The following EYS variants were observed in gnomAD, a reference collection of about 807,000 sequenced individuals.
EYS encodes EGF-like photoreceptor maintenance factor, also known as protein eyes shut homolog.
A neutral mutation model predicts 282.1 loss-of-function variants in EYS; 250 were observed. The observed-to-expected ratio is 0.89, with a 90% CI of 0.80 to 0.98. EYS has a LOEUF of 0.98. EYS is among the 50% of genes least tolerant of loss of function. The pLI, the probability that EYS is intolerant of heterozygous loss-of-function variation, is 0.00. For synonymous variants in EYS, 1,355 were observed against 1,282.9 expected (o/e 1.06, Z -1.20); for missense variants, 4,016 against 3,709.0 (o/e 1.08, Z -2.15).
At chr6:65,541,821 T>C (rs145077554) in intron 2 of EYS, among the ~76,000 whole-genome samples, 246 of 152,230 alleles carry the variant, frequency 1.6e-3, no homozygotes, top group Middle Eastern at 0.01. Context: ...TGTGTTCCAA[T>C]AAGATTCCTT....
chr6:64,963,716 G>C (rs1770002667), intron 14 of EYS, among the ~76,000 whole-genome samples: 1 of 152,134 alleles, frequency 6.6e-6, no homozygotes, highest in Non-Finnish European at 1.5e-5. Context: ...TATTATCTAT[G>C]TTCAAACAGA....
chr6:65,657,255 G>C (rs1171788396), intron 1 of EYS, among the ~76,000 whole-genome samples: 1 of 151,862 alleles, frequency 6.6e-6, no homozygotes, highest in South Asian at 2.1e-4. Flanking sequence ...GTAGCCCATG[G>C]ATTGAGGAGT....
intron 19 of EYS, among the ~76,000 whole-genome samples, chr6:64,847,548 C>T (rs1207138367): frequency 6.6e-6 from 1 of 151,846 alleles, no homozygotes; most frequent in Non-Finnish European, 1.5e-5. Context: ...ATGCTATATC[C>T]AATTTTCCTA....
chr6:65,518,502 T>C (rs1289460230), intron 2 of EYS, among the ~76,000 whole-genome samples: 2 of 152,170 alleles, frequency 1.3e-5, no homozygotes, highest in African/African-American at 2.4e-5. Context: ...AATATGTCTG[T>C]TCTATATTTA....
At chr6:64,297,692 AT>A (rs749581984) in intron 30 of EYS, among the ~76,000 whole-genome samples, 38 of 152,110 alleles carry the variant, frequency 2.5e-4, no homozygotes, top group Non-Finnish European at 3.4e-4. Flanking sequence ...CAGAAGTTAG[AT>A]AGAGCTGGGT....
chr6:65,129,539 G>C (rs1184427160), intron 12 of EYS, among the ~76,000 whole-genome samples: 2 of 151,906 alleles, frequency 1.3e-5, no homozygotes, highest in Non-Finnish European at 2.9e-5. Flanking sequence ...AGACAGACTA[G>C]TAGCCAACAA....
chr6:64,534,796 C>CT (rs199740002), intron 26 of EYS, among the ~76,000 whole-genome samples: 13,610 of 146,220 alleles, frequency 0.093, 708 homozygotes, highest in Non-Finnish European at 0.12. Flanking sequence ...TTAACACCAT[C>CT]TTTTTTTTTT....
intron 29 of EYS, among the ~76,000 whole-genome samples, chr6:64,345,268 G>T (rs1386486404): frequency 6.6e-6 from 1 of 152,094 alleles, no homozygotes; most frequent in Non-Finnish European, 1.5e-5. Context: ...AAAGAACAAA[G>T]CCAGAGGCAT....
At chr6:63,998,949 G>T (rs951412439) in intron 34 of EYS, 126 bp downstream of exon 34, 8 of 622,054 alleles carry the variant, frequency 1.3e-5, no homozygotes, top group Non-Finnish European at 2.3e-5. Context: ...CTGGTGCTTT[G>T]TTGAGAGTTT....
chr6:63,729,197 T>A (rs186883410), intron 41 of EYS, among the ~76,000 whole-genome samples: 5 of 152,294 alleles, frequency 3.3e-5, no homozygotes, highest in Admixed American at 1.3e-4. Context: ...ATTTTAAGAA[T>A]TCCTTGTTTA....
Position 64,166,774 on chromosome 6 carries a change from T to A in EYS, c.6424+63818A>T, listed in dbSNP as rs1036511930. Among the ~76,000 whole-genome samples the A allele has an allele frequency of 3.4e-4, 51 of 152,206 alleles. 1 individual carries two copies. The highest frequency in any genetic ancestry group is 1.6e-4 in the Non-Finnish European group (11 of 68,022). On this transcript the variant is annotated intron_variant, in intron 31 of 42. Transcript: ENST00000503581. Reference sequence around the variant, plus strand: ...CAAAAATTAATTGGGGAAAAGATCATGGTGCTTACAGTAACTGATCCCAGT... The same window carrying A: ...CAAAAATTAATTGGGGAAAAGATCAAGGTGCTTACAGTAACTGATCCCAGT...
chr6:65,441,791 A>G (rs1024312721), intron 5 of EYS, among the ~76,000 whole-genome samples: 20 of 152,098 alleles, frequency 1.3e-4, no homozygotes, highest in Admixed American at 7.9e-4. Flanking sequence ...CTTTCAGAGG[A>G]GGACACTGAG....
rs552014331 is a variant in EYS at position 65,632,273 on chromosome 6, C to G, written c.-333+7505G>C. Among the ~76,000 whole-genome samples, 4 of 152,246 alleles carry G rather than the reference C, an allele frequency of 2.6e-5. No individual in the cohort carries two copies. The South Asian group carries it at 8.3e-4, about 32-fold the overall frequency. ...ATGCTTTATAGGTACCAGATTTTCTCTGCTCGTTCATCAGTAGACAGATGA... is the reference window on the plus strand; with the variant it reads ...ATGCTTTATAGGTACCAGATTTTCTGTGCTCGTTCATCAGTAGACAGATGA... On this transcript the variant is annotated intron_variant, in intron 2 of 42. Coordinates refer to ENST00000503581, the MANE Select transcript of EYS (RefSeq NM_001142800.2).
intron 25 of EYS, among the ~76,000 whole-genome samples, chr6:64,592,665 T>C (rs1766449455): frequency 6.6e-6 from 1 of 152,126 alleles, no homozygotes; most frequent in Non-Finnish European, 1.5e-5. Context: ...GAATTGGACA[T>C]GTAAAAAACA....
chr6:65,043,116 T>C (rs565368583), intron 13 of EYS, among the ~76,000 whole-genome samples: 6 of 151,636 alleles, frequency 4.0e-5, no homozygotes, highest in African/African-American at 1.4e-4. Context: ...GTATACATCA[T>C]GGGGTACAAT....
chr6:65,494,767 T>C lies in EYS; in HGVS notation c.644A>G (p.Asp215Gly), dbSNP rs1766179888. The C allele has an allele frequency of 1.2e-6, 2 of 1,614,096 alleles. No individual in the cohort carries two copies. Among genetic ancestry groups the C allele is most frequent in the Non-Finnish European group, 1.7e-6 (2 of 1,179,982 alleles). Reference protein sequence around the residue: ...PFSGKYCQELDACSFKPCKNN... With the variant: ...PFSGKYCQELGACSFKPCKNN... ...TTTACATGGTTTAAAAGAACATGCA[T>C]CAAGTTCCTGGCAGTATTTTCCAGA... The change falls in exon 4 of 43, where the codon GAT becomes GGT. Residue 215 changes from aspartate (D) to glycine (G), a missense_variant. By Grantham distance (94) the Asp-to-Gly change is moderately conservative. Coordinates refer to ENST00000503581, the MANE Select transcript of EYS (RefSeq NM_001142800.2).
At chr6:64,120,797 C>T (rs964966552) in intron 31 of EYS, among the ~76,000 whole-genome samples, 3 of 152,072 alleles carry the variant, frequency 2.0e-5, no homozygotes, top group Non-Finnish European at 2.9e-5. Flanking sequence ...TAACAAATTA[C>T]CATAGACTTA....
intron 2 of EYS, among the ~76,000 whole-genome samples, chr6:65,545,862 T>C (rs1427604279): frequency 6.6e-6 from 1 of 152,146 alleles, no homozygotes; most frequent in Admixed American, 6.5e-5. Flanking sequence ...TGCAAGATTA[T>C]ACAAGATTTG....
At chr6:65,257,698 G>T (rs1231638525) in intron 12 of EYS, among the ~76,000 whole-genome samples, 1 of 151,928 alleles carries the variant, frequency 6.6e-6, no homozygotes, top group African/African-American at 2.4e-5. Flanking sequence ...TTGAAGTCAG[G>T]TAGTGTGATA....
Sources: allele counts gnomAD v4.1 joint callset (sites outside exome capture counted in the v4.1 genomes callset), GRCh38; gene constraint gnomAD v4.1.1; transcripts MANE v1.5; gene names NCBI Gene and HGNC (gene_info 2026-07-23, HGNC 2026-07-21).